Variants in CA10 observed in about 807,000 individuals in gnomAD.
The protein encoded by CA10 is carbonic anhydrase-related protein 10.
CA10 carries 14 observed loss-of-function variants against 44.2 expected under a neutral mutation model. The observed-to-expected ratio is 0.32, with a 90% confidence interval of 0.21 to 0.50. CA10 has a LOEUF of 0.50. Among genes scored for constraint, CA10 ranks in the 20% least tolerant of loss-of-function variants. The pLI is 0.99. For synonymous variants in CA10, 159 were observed against 141.6 expected (o/e 1.12, Z -0.87); for missense variants, 350 against 409.7 (o/e 0.85, Z 1.26).
chr17:51,976,572 G>T (rs780242201), intron 2 of CA10, among the ~76,000 whole-genome samples: 62 of 149,990 alleles, frequency 4.1e-4, no homozygotes, highest in Non-Finnish European at 7.4e-4. Context: ...CAAACACTAT[G>T]TATTAAAATT....
chr17:51,729,674 A>G (rs755693183), intron 4 of CA10, among the ~76,000 whole-genome samples: 2 of 151,986 alleles, frequency 1.3e-5, no homozygotes, highest in Non-Finnish European at 2.9e-5. Flanking sequence ...CTCCCTCTTC[A>G]TTTGCTGGTG....
Position 51,823,060 on chromosome 17 carries a change from T to C in CA10, c.280-75242A>G, listed in dbSNP as rs568846439. ...TCCCCAAGCCCTGCCTTTTCTAACCTGGGCAGCGCTTTATTTATTTACTTA... is the reference window on the plus strand; with the variant it reads ...TCCCCAAGCCCTGCCTTTTCTAACCCGGGCAGCGCTTTATTTATTTACTTA... On this transcript the variant is annotated intron_variant, in intron 3 of 8. Coordinates refer to ENST00000451037, the MANE Select transcript of CA10 (RefSeq NM_020178.5). Among the ~76,000 whole-genome samples, 4 of 152,340 alleles carry C rather than the reference T, an allele frequency of 2.6e-5. No homozygotes were observed. The South Asian group carries it at 8.3e-4, about 32-fold the overall frequency.
Position 52,063,384 on chromosome 17 carries a change from G to T in CA10, c.136+8935C>A, listed in dbSNP as rs191104626. ...TGATTGTATTTTGCAATGTGAGAAG[G>T]ATGTGAGGCATGGAGAGTCAAGCGT... On this transcript the variant is annotated intron_variant, in intron 2 of 8. Coordinates refer to ENST00000451037, the MANE Select transcript of CA10 (RefSeq NM_020178.5). Among the ~76,000 whole-genome samples the T allele has an allele frequency of 3.9e-5, 6 of 152,302 alleles. No homozygotes were observed. In the East Asian group the frequency reaches 9.7e-4, roughly 25 times the overall value.
chr17:51,702,620 C>G (rs1915639963), intron 4 of CA10, among the ~76,000 whole-genome samples: 2 of 152,224 alleles, frequency 1.3e-5, no homozygotes, highest in African/African-American at 4.8e-5. Context: ...GGGAGACCCA[C>G]TGTGTGCATG....
chr17:52,088,464 C>T (rs1158920020), intron 1 of CA10, among the ~76,000 whole-genome samples: 2 of 152,116 alleles, frequency 1.3e-5, no homozygotes, highest in African/African-American at 2.4e-5. Context: ...AGTGGAAGAA[C>T]AGTTTGGCAA....
chr17:52,052,176 TG>T (rs1987091609), intron 2 of CA10, among the ~76,000 whole-genome samples: 1 of 151,414 alleles, frequency 6.6e-6, no homozygotes, highest in African/African-American at 2.4e-5. Context: ...AAATAAGTAA[TG>T]GGTACTAGGC....
intron 1 of CA10, among the ~76,000 whole-genome samples, chr17:52,092,138 T>C (rs1179672443): frequency 6.6e-6 from 1 of 152,146 alleles, no homozygotes; most frequent in African/African-American, 2.4e-5. Flanking sequence ...TTCTCCCTCT[T>C]CGTGTGCATT....
At chr17:51,883,433 A>G (rs768222421) in intron 3 of CA10, among the ~76,000 whole-genome samples, 12 of 151,864 alleles carry the variant, frequency 7.9e-5, no homozygotes, top group Non-Finnish European at 8.8e-5. Context: ...TCATTTGTAA[A>G]TCCTTTCCTC....
At chr17:52,085,583 G>A (rs1292398632) in intron 1 of CA10, among the ~76,000 whole-genome samples, 2 of 152,172 alleles carry the variant, frequency 1.3e-5, no homozygotes, top group Non-Finnish European at 2.9e-5. Flanking sequence ...GTATGGTGTG[G>A]TTAACTTATC....
At chr17:52,137,704 T>A (rs1598234773) in intron 1 of CA10, among the ~76,000 whole-genome samples, 1 of 152,236 alleles carries the variant, frequency 6.6e-6, no homozygotes, top group African/African-American at 2.4e-5. Context: ...AATATTTATT[T>A]AATAAATGGA....
intron 1 of CA10, among the ~76,000 whole-genome samples, chr17:52,127,361 G>GGGCTTTT (rs144067669): frequency 0.15 from 22,434 of 151,996 alleles, 1,849 homozygotes; most frequent in East Asian, 0.4. Context: ...TCTGGTGGGT[G>GGGCTTTT]GGCTTTTGGG....
chr17:51,935,656 G>T (rs973620987), intron 2 of CA10, among the ~76,000 whole-genome samples: 2 of 152,090 alleles, frequency 1.3e-5, no homozygotes, highest in Non-Finnish European at 2.9e-5. Flanking sequence ...AATCCCAAAC[G>T]TTCTCTTGGC....
At chr17:52,053,270 G>A (rs1987129243) in intron 2 of CA10, among the ~76,000 whole-genome samples, 1 of 152,054 alleles carries the variant, frequency 6.6e-6, no homozygotes, top group Non-Finnish European at 1.5e-5. Context: ...TGTAACTGCA[G>A]AGGAAATCAT....
chr17:51,803,079 C>A (rs994297149), intron 3 of CA10, among the ~76,000 whole-genome samples: 1 of 152,180 alleles, frequency 6.6e-6, no homozygotes, highest in Non-Finnish European at 1.5e-5. Flanking sequence ...TAACACAGAG[C>A]AAACCAGTTT....
chr17:52,089,551 C>T (rs1181987748), intron 1 of CA10, among the ~76,000 whole-genome samples: 1 of 151,900 alleles, frequency 6.6e-6, no homozygotes, highest in Admixed American at 6.6e-5. Context: ...TTCCAAGAAC[C>T]TCAGTGGATG....
At chr17:52,067,085 G>A (rs1987557255) in intron 2 of CA10, among the ~76,000 whole-genome samples, 1 of 152,206 alleles carries the variant, frequency 6.6e-6, no homozygotes, top group African/African-American at 2.4e-5. Flanking sequence ...TTTGCATAAG[G>A]AGCCAAATTT....
chr17:51,894,194 C>A (rs939239452), intron 3 of CA10, among the ~76,000 whole-genome samples: 1 of 151,972 alleles, frequency 6.6e-6, no homozygotes, highest in Non-Finnish European at 1.5e-5. Context: ...GCTTTCTCAG[C>A]AAAATTCTGG....
chr17:52,132,510 C>T (rs944842162), intron 1 of CA10, among the ~76,000 whole-genome samples: 1 of 152,180 alleles, frequency 6.6e-6, no homozygotes, highest in Admixed American at 6.5e-5. Flanking sequence ...GTGTGCTGTA[C>T]CTGTTAACTG....
At chr17:51,970,973 T>A (rs548755052) in intron 2 of CA10, among the ~76,000 whole-genome samples, 2 of 152,198 alleles carry the variant, frequency 1.3e-5, no homozygotes, top group Admixed American at 6.6e-5. Context: ...AATATTGCCC[T>A]GACCATTCCA....
Sources: gnomAD v4.1 joint callset for allele counts (sites outside exome capture counted in the v4.1 genomes callset) on GRCh38, gnomAD v4.1.1 for gene constraint, MANE v1.5 for transcripts, NCBI Gene and HGNC (gene_info 2026-07-23, HGNC 2026-07-21) for gene names.